The following PAX5 variants were observed in gnomAD, a reference collection of about 807,000 sequenced individuals.
PAX5 encodes the protein paired box 5, also known as paired box protein Pax-5.
PAX5 carries 9 observed loss-of-function variants against 43.7 expected under a neutral mutation model. That is an observed-to-expected ratio of 0.21 (90% CI 0.12 to 0.36). The LOEUF is 0.36. PAX5 is among the 10% of genes least tolerant of loss of function. The probability of loss-of-function intolerance (pLI) is 1.00; values close to 1 mark genes in which losing one functional copy is unlikely to be tolerated. For missense variants in PAX5, 383 were observed against 532.7 expected (o/e 0.72, Z 2.77); for synonymous variants, 228 against 214.3 (o/e 1.06, Z -0.56).
chr9:36,994,372 C>CCA (rs529232495), intron 5 of PAX5, among the ~76,000 whole-genome samples: 283 of 152,352 alleles, frequency 1.9e-3, no homozygotes, highest in Middle Eastern at 3.4e-3. Flanking sequence ...ACCCTACCTG[C>CCA]AGGGTATAGA....
intron 7 of PAX5, among the ~76,000 whole-genome samples, chr9:36,885,688 C>T (rs1300392668): frequency 1.3e-5 from 2 of 152,192 alleles, no homozygotes; most frequent in East Asian, 1.9e-4. Flanking sequence ...TGCAACCACA[C>T]AGAAGCATGC....
intron 2 of PAX5, among the ~76,000 whole-genome samples, chr9:37,018,181 G>C (rs1469055143): frequency 6.6e-6 from 1 of 152,122 alleles, no homozygotes; most frequent in African/African-American, 2.4e-5. Flanking sequence ...TTGAGAATAA[G>C]CTTTGCAAAA....
intron 8 of PAX5, among the ~76,000 whole-genome samples, chr9:36,849,588 C>T (rs997252639): frequency 6.6e-6 from 1 of 152,218 alleles, no homozygotes; most frequent in African/African-American, 2.4e-5. Flanking sequence ...CTAACTCAGG[C>T]GACAGCTCTC....
intron 5 of PAX5, among the ~76,000 whole-genome samples, chr9:36,975,475 T>A (rs540548180): frequency 6.6e-6 from 1 of 151,134 alleles, no homozygotes; most frequent in African/African-American, 2.4e-5. Context: ...AAGCTCCGCC[T>A]CCCGGGTTCA....
chr9:37,025,325 C>T (rs1360198108), intron 1 of PAX5, among the ~76,000 whole-genome samples: 3 of 152,140 alleles, frequency 2.0e-5, no homozygotes, highest in Admixed American at 6.5e-5. Context: ...CGGACATGCT[C>T]GCCCCGGGAA....
At chr9:37,016,443 G>A (rs1166893426) in intron 2 of PAX5, among the ~76,000 whole-genome samples, 1 of 152,174 alleles carries the variant, frequency 6.6e-6, no homozygotes, top group African/African-American at 2.4e-5. Context: ...GAGGTAAATG[G>A]CTGTTTCTAA....
intron 5 of PAX5, among the ~76,000 whole-genome samples, chr9:36,972,020 A>C (rs2132226002): frequency 6.6e-6 from 1 of 152,332 alleles, no homozygotes; most frequent in East Asian, 1.9e-4. Flanking sequence ...AAAAATCATC[A>C]TGCGCTTTAT....
intron 1 of PAX5, among the ~76,000 whole-genome samples, chr9:37,033,612 A>T (rs1029801464): frequency 1.3e-5 from 2 of 151,916 alleles, no homozygotes; most frequent in Admixed American, 1.3e-4. Context: ...ACACACACAC[A>T]CACACACACA....
chr9:36,965,397 G>C (rs7044466), intron 6 of PAX5, among the ~76,000 whole-genome samples: 20,046 of 152,254 alleles, frequency 0.13, 1,463 homozygotes, highest in African/African-American at 0.17. Flanking sequence ...CCTTAGGCAA[G>C]TTGCTCTGCC....
At chr9:36,935,019 C>T (rs1010318544) in intron 6 of PAX5, among the ~76,000 whole-genome samples, 1 of 152,186 alleles carries the variant, frequency 6.6e-6, no homozygotes, top group Non-Finnish European at 1.5e-5. Flanking sequence ...GAGGTTGCCA[C>T]GGACATGGGC....
At chr9:36,963,466 G>GTGTC (rs1429808729) in intron 6 of PAX5, among the ~76,000 whole-genome samples, 2 of 152,076 alleles carry the variant, frequency 1.3e-5, no homozygotes, top group Non-Finnish European at 2.9e-5. Flanking sequence ...ACCTCATCAG[G>GTGTC]ACCCTCTGAA....
rs567422471 is a variant in PAX5, at chr9:37,004,184, A to G, written c.476-1408T>C. ...TTGGTGACTTATTGTGACTGAGGCTAGGTCTCAAAGTTCCTAAGAATAAGA... is the reference window on the plus strand; with the variant it reads ...TTGGTGACTTATTGTGACTGAGGCTGGGTCTCAAAGTTCCTAAGAATAAGA... On this transcript the variant is annotated intron_variant, in intron 4 of 9. Coordinates refer to ENST00000358127, the MANE Select transcript of PAX5 (RefSeq NM_016734.3). 3.3e-5 allele frequency among the ~76,000 whole-genome samples: 5 copies of G among 152,368 alleles called. No individual in the cohort carries two copies. In the East Asian group the frequency reaches 9.6e-4, roughly 29 times the overall value.
chr9:37,028,873 C>T (rs997217373), intron 1 of PAX5, among the ~76,000 whole-genome samples: 1 of 152,236 alleles, frequency 6.6e-6, no homozygotes. Context: ...TCTCTTGCTA[C>T]ACAAGGGATC....
At chr9:36,901,760 G>A (rs1028585239) in intron 7 of PAX5, among the ~76,000 whole-genome samples, 2 of 152,176 alleles carry the variant, frequency 1.3e-5, no homozygotes, top group African/African-American at 4.8e-5. Context: ...GCATAACCCT[G>A]GCCAAGGAAC....
At chr9:36,963,227 T>C (rs1336186669) in intron 6 of PAX5, among the ~76,000 whole-genome samples, 2 of 152,118 alleles carry the variant, frequency 1.3e-5, no homozygotes, top group African/African-American at 2.4e-5. Context: ...GCAGTCGCCG[T>C]CTCAGAGCGC....
At chr9:36,972,779 G>A (rs1835024627) in intron 5 of PAX5, among the ~76,000 whole-genome samples, 1 of 152,198 alleles carries the variant, frequency 6.6e-6, no homozygotes, top group Non-Finnish European at 1.5e-5. Flanking sequence ...TATAATCCCA[G>A]CACTTTGGGA....
In PAX5 at chr9:36,833,522, A is replaced by G. The variant is rs1821425072; in HGVS notation, c.*7038T>C. 1 of 233,076 alleles carries G rather than the reference A, an allele frequency of 4.3e-6. No individual in the cohort carries two copies. The highest frequency in any genetic ancestry group is 1.3e-3 in the Middle Eastern group (1 of 786). The allele number at this position is 233,076 out of a possible 1,614,324, so 14.4% of individuals were successfully genotyped here. ...ACAAATTTCAGGTTTGACAAGGAAA[A>G]AAAAGTAAAAAAAAAATTAAACCAA... On this transcript the variant is annotated 3_prime_UTR_variant, in exon 10 of 10. Transcript: ENST00000358127.
At chr9:36,970,771 C>T (rs1017669354) in intron 5 of PAX5, among the ~76,000 whole-genome samples, 7 of 152,148 alleles carry the variant, frequency 4.6e-5, no homozygotes, top group African/African-American at 1.7e-4. Flanking sequence ...GTCTCCTCCT[C>T]CAGGATGCCT....
intron 8 of PAX5, among the ~76,000 whole-genome samples, chr9:36,873,583 G>A (rs1218618507): frequency 6.6e-6 from 1 of 152,184 alleles, no homozygotes; most frequent in Non-Finnish European, 1.5e-5. Context: ...CCAGCAAGGA[G>A]CTTAGAAAGA....
Sources: allele counts gnomAD v4.1 joint callset (sites outside exome capture counted in the v4.1 genomes callset), GRCh38; gene constraint gnomAD v4.1.1; transcripts MANE v1.5; gene names NCBI Gene and HGNC (gene_info 2026-07-23, HGNC 2026-07-21).